ADAMTSL1: variants seen among roughly 807,000 people sequenced by gnomAD.
ADAMTSL1 encodes ADAMTS like 1, also known as ADAMTS-like protein 1.
ADAMTSL1 carries 126 observed loss-of-function variants against 201.8 expected under a neutral mutation model. That is an observed-to-expected ratio of 0.62 (90% CI 0.54 to 0.72). ADAMTSL1 has a LOEUF of 0.72. Ranked by LOEUF, ADAMTSL1 falls within the 30% of genes least tolerant of loss-of-function variation. ADAMTSL1 has a pLI of 0.00. For missense variants in ADAMTSL1, 2,679 were observed against 2,277.8 expected, an observed-to-expected ratio of 1.18 and a Z score of -3.59; for synonymous variants, 1,121 against 903.4, an observed-to-expected ratio of 1.24 and a Z score of -4.32.
chr9:18,698,648 G>A (rs1442294864), intron 13 of ADAMTSL1, among the ~76,000 whole-genome samples: 1 of 152,174 alleles, frequency 6.6e-6, no homozygotes, highest in East Asian at 1.9e-4. Flanking sequence ...AAAGGAGACT[G>A]AGAAGGAAGT....
At chr9:18,724,494 A>G (rs888167307) in intron 15 of ADAMTSL1, among the ~76,000 whole-genome samples, 1 of 152,176 alleles carries the variant, frequency 6.6e-6, no homozygotes, top group Non-Finnish European at 1.5e-5. Context: ...CTCAAGCTGG[A>G]GGTATTCTGA....
intron 25 of ADAMTSL1, among the ~76,000 whole-genome samples, 183 bp downstream of exon 25, chr9:18,889,931 T>G (rs565961750): frequency 6.6e-6 from 1 of 152,160 alleles, no homozygotes; most frequent in South Asian, 2.1e-4. Context: ...CCTCAGACTA[T>G]GCCACCTCTC....
At chr9:18,854,991 A>G (rs1359794356) in intron 23 of ADAMTSL1, among the ~76,000 whole-genome samples, 2 of 152,158 alleles carry the variant, frequency 1.3e-5, no homozygotes, top group African/African-American at 4.8e-5. Flanking sequence ...AGAAATAGTC[A>G]TGCCACTGAT....
At chr9:18,696,144 G>A (rs1313416486) in intron 13 of ADAMTSL1, among the ~76,000 whole-genome samples, 2 of 152,168 alleles carry the variant, frequency 1.3e-5, no homozygotes, top group Non-Finnish European at 2.9e-5. Flanking sequence ...TCCAATATTG[G>A]GGATTACAAT....
intron 17 of ADAMTSL1, among the ~76,000 whole-genome samples, chr9:18,771,508 G>A (rs12349446): frequency 1.3e-5 from 2 of 151,972 alleles, no homozygotes; most frequent in African/African-American, 2.4e-5. Flanking sequence ...CTACCACTTC[G>A]AGTTGCCTTC....
intron 21 of ADAMTSL1, among the ~76,000 whole-genome samples, chr9:18,825,960 C>T (rs374930234): frequency 1.4e-4 from 22 of 152,322 alleles, no homozygotes; most frequent in African/African-American, 4.8e-4. Flanking sequence ...GCAAGCCCCC[C>T]CTGCCAGCTT....
At chr9:18,495,712 G>T (rs374756450) in intron 1 of ADAMTSL1, among the ~76,000 whole-genome samples, 1 of 152,200 alleles carries the variant, frequency 6.6e-6, no homozygotes, top group South Asian at 2.1e-4. Flanking sequence ...AGTCATCTAG[G>T]TTGCAGGTAC....
intron 4 of ADAMTSL1, among the ~76,000 whole-genome samples, chr9:18,612,612 C>A (rs1377629129): frequency 1.3e-5 from 2 of 152,126 alleles, no homozygotes; most frequent in Non-Finnish European, 2.9e-5. Context: ...CAAAAACAAG[C>A]AATGGGGAAA....
At chr9:18,699,098 T>C (rs1297499665) in intron 13 of ADAMTSL1, among the ~76,000 whole-genome samples, 1 of 152,176 alleles carries the variant, frequency 6.6e-6, no homozygotes, top group Non-Finnish European at 1.5e-5. Context: ...GCATAAAGTC[T>C]CTTTGAAAGG....
intron 2 of ADAMTSL1, among the ~76,000 whole-genome samples, chr9:18,216,042 T>C (rs56285409): frequency 0.033 from 4,988 of 152,278 alleles, 122 homozygotes; most frequent in Non-Finnish European, 0.054. Context: ...CCACCACTCC[T>C]GGAAACATTT....
chr9:18,369,787 T>C (rs1220292699), intron 2 of ADAMTSL1, among the ~76,000 whole-genome samples: 1 of 152,234 alleles, frequency 6.6e-6, no homozygotes, highest in African/African-American at 2.4e-5. Context: ...GACAATGCGG[T>C]ATCTATACAC....
intron 4 of ADAMTSL1, among the ~76,000 whole-genome samples, chr9:18,616,903 A>T (rs1201711467): frequency 6.6e-6 from 1 of 152,058 alleles, no homozygotes; most frequent in Non-Finnish European, 1.5e-5. Flanking sequence ...TTAGAAATGC[A>T]CTCCCTCCCC....
chr9:18,286,103 G>C (rs185553016), intron 2 of ADAMTSL1, among the ~76,000 whole-genome samples: 1 of 152,172 alleles, frequency 6.6e-6, no homozygotes, highest in Non-Finnish European at 1.5e-5. Context: ...AATAAGAAAA[G>C]AAAAGCATCA....
chr9:18,197,415 C>T (rs961488072), intron 2 of ADAMTSL1, among the ~76,000 whole-genome samples: 9 of 106,142 alleles, frequency 8.5e-5, no homozygotes, highest in Non-Finnish European at 1.7e-4. Flanking sequence ...AGTTGGATTC[C>T]TAGGTATTTT....
chr9:18,775,623 C>A, intron 17 of ADAMTSL1, 120 bp from the exon 18 acceptor site: 2 of 1,282,230 alleles, frequency 1.6e-6, no homozygotes, highest in Non-Finnish European at 2.2e-6. Context: ...GTATTTCTAT[C>A]ACAGTGGTTA....
At chr9:18,257,541 G>C (rs559299273) in intron 2 of ADAMTSL1, among the ~76,000 whole-genome samples, 1 of 152,364 alleles carries the variant, frequency 6.6e-6, no homozygotes, top group African/African-American at 2.4e-5. Flanking sequence ...ATGTGTGGGT[G>C]ATGATATGGA....
chr9:18,012,767 G>C (rs1304356098), intron 1 of ADAMTSL1, among the ~76,000 whole-genome samples: 1 of 152,096 alleles, frequency 6.6e-6, no homozygotes, highest in Non-Finnish European at 1.5e-5. Flanking sequence ...GGTTGATGAG[G>C]TATCACAATG....
intron 3 of ADAMTSL1, among the ~76,000 whole-genome samples, chr9:18,566,500 A>C (rs1192461290): frequency 6.6e-6 from 1 of 152,208 alleles, no homozygotes; most frequent in East Asian, 1.9e-4. Context: ...CAGCAGTGGG[A>C]ATGGGATTGC....
intron 2 of ADAMTSL1, among the ~76,000 whole-genome samples, chr9:18,355,022 G>A (rs1349485501): frequency 6.6e-6 from 1 of 152,008 alleles, no homozygotes; most frequent in South Asian, 2.1e-4. Flanking sequence ...AATTGACAAA[G>A]CACCTTAATA....
Sources: gnomAD v4.1 joint callset for allele counts (sites outside exome capture counted in the v4.1 genomes callset) on GRCh38, gnomAD v4.1.1 for gene constraint, MANE v1.5 for transcripts, NCBI Gene and HGNC (gene_info 2026-07-23, HGNC 2026-07-21) for gene names.